Variants in TMEM132B observed in about 807,000 individuals in gnomAD.
TMEM132B encodes the protein transmembrane protein 132B.
A neutral mutation model predicts 90.8 loss-of-function variants in TMEM132B; 18 were observed. The ratio of observed to expected loss-of-function variants is 0.20; its 90% CI spans 0.14 to 0.29. The LOEUF is 0.29. TMEM132B is among the 10% of genes least tolerant of loss of function. TMEM132B has a pLI of 1.00. For synonymous variants in TMEM132B, 504 were observed against 523.3 expected, an observed-to-expected ratio of 0.96 and a Z score of 0.50; for missense variants, 1,096 against 1,326.8, an observed-to-expected ratio of 0.83 and a Z score of 2.70.
intron 3 of TMEM132B, among the ~76,000 whole-genome samples, chr12:125,450,710 T>C (rs762749168): frequency 6.6e-6 from 1 of 152,186 alleles, no homozygotes; most frequent in Non-Finnish European, 1.5e-5. Flanking sequence ...TCTCAAAATG[T>C]CTCCTAACAG....
At chr12:125,625,939 C>A (rs569433663) in intron 5 of TMEM132B, among the ~76,000 whole-genome samples, 47 of 152,158 alleles carry the variant, frequency 3.1e-4, no homozygotes, top group Non-Finnish European at 6.0e-4. Context: ...TATTTGCTAT[C>A]TGTAAATCCT....
In TMEM132B at chr12:125,415,704, T is replaced by A; in HGVS notation, c.1106+27T>A. 6.2e-7 allele frequency: 1 copy of A among 1,611,872 alleles called. No individual in the cohort carries two copies. Among genetic ancestry groups the A allele is most frequent in the South Asian group, 1.1e-5 (1 of 90,740 alleles). On this transcript the variant is annotated intron_variant, in intron 3 of 8. Transcript: ENST00000682704. This position sits in a 1 kb window ranked among gnomAD's most constrained non-coding sequence, Gnocchi z 5.3. ...TAAGCATGGAGATCCCCAAGGCACC[T>A]CCGCAGTGGGGAGGAGGGGAGTGGC... is the stretch of plus-strand genomic sequence containing the variant.
intron 3 of TMEM132B, among the ~76,000 whole-genome samples, chr12:125,418,069 T>C (rs1880067725): frequency 6.6e-6 from 1 of 152,160 alleles, no homozygotes; most frequent in African/African-American, 2.4e-5. Flanking sequence ...CAAATGGGAT[T>C]TTCTGGCCCC....
At position 125,263,353 on chromosome 12, in the gene TMEM132B, G is replaced by A. The variant is rs149519474; in HGVS notation, c.67+76487G>A. ...GACTGCATGTGGCATTGTGCAAGCT[G>A]TCTGACCTGGCTGTGCCTCAGTTTC... is the stretch of plus-strand genomic sequence containing the variant. On this transcript the variant is annotated intron_variant, in intron 1 of 8. Transcript: ENST00000682704. Among the ~76,000 whole-genome samples the A allele has an allele frequency of 2.6e-4, 40 of 152,350 alleles. 1 individual carries two copies. In the East Asian group the frequency reaches 6.2e-3, roughly 23 times the overall value.
At position 125,618,903 on chromosome 12, in the gene TMEM132B, T is replaced by C. The variant is rs1886053388; in HGVS notation, c.1438-25173T>C. 2.0e-5 allele frequency among the ~76,000 whole-genome samples: 3 copies of C among 152,326 alleles called. No individual in the cohort carries two copies. The South Asian group carries it at 6.2e-4, about 32-fold the overall frequency. On this transcript the variant is annotated intron_variant, in intron 5 of 8. Coordinates refer to ENST00000682704, the MANE Select transcript of TMEM132B (RefSeq NM_001366854.1). ...TTGAAGTACCCTAAACTGTCAAGTT[T>C]ATCAATATTAGTTATTATTTTTAAA...
chr12:125,567,224 A>G (rs1035802531), intron 4 of TMEM132B, among the ~76,000 whole-genome samples: 29 of 151,978 alleles, frequency 1.9e-4, no homozygotes, highest in South Asian at 4.2e-4. Context: ...CCATTTGTCC[A>G]TGGCCCTCTG....
chr12:125,608,853 T>A (rs887574940), intron 5 of TMEM132B, among the ~76,000 whole-genome samples: 1 of 126,522 alleles, frequency 7.9e-6, no homozygotes, highest in African/African-American at 3.1e-5. Flanking sequence ...CTGTGGCACC[T>A]TTGAAAAAAA....
chr12:125,462,580 C>T (rs2136475152), intron 3 of TMEM132B, among the ~76,000 whole-genome samples: 1 of 152,180 alleles, frequency 6.6e-6, no homozygotes, highest in South Asian at 2.1e-4. Context: ...TAGGTGACGT[C>T]AAATTGAGCC....
chr12:125,583,961 G>A lies in TMEM132B; in HGVS notation c.1404G>A (p.Val468=). 1 of 1,614,178 alleles carries A rather than the reference G, an allele frequency of 6.2e-7. No individual in the cohort carries two copies. Among genetic ancestry groups the A allele is most frequent in the Non-Finnish European group, 8.5e-7 (1 of 1,180,032 alleles). The change falls in exon 5 of 9, where the codon GTG becomes GTA. Residue 468 remains valine, a synonymous_variant. Coordinates refer to ENST00000682704, the MANE Select transcript of TMEM132B (RefSeq NM_001366854.1). ...DGSVVDVSES[V]ECKSADEDVI... Reference sequence around the variant, plus strand: ...CTGTGGTCGATGTGTCTGAGTCTGTGGAATGCAAGTCTGCCGATGAAGATG... The same window carrying A: ...CTGTGGTCGATGTGTCTGAGTCTGTAGAATGCAAGTCTGCCGATGAAGATG...
At position 125,189,456 on chromosome 12, in the gene TMEM132B, G is replaced by T. The variant is rs1165045809; in HGVS notation, c.67+2590G>T. Reference sequence around the variant, plus strand: ...TGGCAGGGGGGAGCTTTGGCTTTCAGGGCAGAGGCTCTCTTCCTCCTGCCT... The same window carrying T: ...TGGCAGGGGGGAGCTTTGGCTTTCATGGCAGAGGCTCTCTTCCTCCTGCCT... On this transcript the variant is annotated intron_variant, in intron 1 of 8. Transcript: ENST00000682704. Among the ~76,000 whole-genome samples the T allele has an allele frequency of 2.0e-5, 3 of 152,140 alleles. No individual in the cohort carries two copies. In the East Asian group the frequency reaches 5.8e-4, roughly 29 times the overall value.
rs1884333499 is a variant in TMEM132B at position 125,554,910 on chromosome 12, A to G, written c.1294-28941A>G. On this transcript the variant is annotated intron_variant, in intron 4 of 8. Coordinates refer to ENST00000682704, the MANE Select transcript of TMEM132B (RefSeq NM_001366854.1). ...TGTTGGCGAGTTTCATCTTTTGATT[A>G]TCAGTTTTTCAGTGTGTGTCAGGTG... Among the ~76,000 whole-genome samples the G allele has an allele frequency of 2.0e-5, 3 of 152,184 alleles. 1 individual carries two copies. In the South Asian group the frequency reaches 6.2e-4, roughly 32 times the overall value.
rs1321297517 is a variant in TMEM132B at position 125,431,386 on chromosome 12, G to A, written c.1106+15709G>A. 2.6e-5 allele frequency among the ~76,000 whole-genome samples: 4 copies of A among 152,256 alleles called. No individual in the cohort carries two copies. In the East Asian group the frequency reaches 7.7e-4, roughly 29 times the overall value. The stretch of plus-strand genomic sequence containing the variant: ...ATGGCAAACAGACAGAGAAGCAAAT[G>A]ATCTGGCTAACTCTACTTCGGTGGA... On this transcript the variant is annotated intron_variant, in intron 3 of 8. Coordinates refer to ENST00000682704, the MANE Select transcript of TMEM132B (RefSeq NM_001366854.1).
chr12:125,276,092 A>G (rs1199742258), intron 1 of TMEM132B, among the ~76,000 whole-genome samples: 1 of 152,230 alleles, frequency 6.6e-6, no homozygotes, highest in Non-Finnish European at 1.5e-5. Flanking sequence ...GACTCTGGCC[A>G]CTAGAGCATT....
intron 1 of TMEM132B, among the ~76,000 whole-genome samples, chr12:125,220,531 A>G (rs960856234): frequency 6.6e-5 from 10 of 152,224 alleles, no homozygotes; most frequent in Middle Eastern, 3.2e-3. Context: ...CCTTGGAGAA[A>G]GTGACGATAG....
chr12:125,358,261 A>T (rs188243827), intron 2 of TMEM132B, among the ~76,000 whole-genome samples: 1,683 of 151,952 alleles, frequency 0.011, 36 homozygotes, highest in African/African-American at 0.038. Flanking sequence ...TTTACTTTTT[A>T]AAAAATTTTT....
chr12:125,263,555 A>G (rs1028668507), intron 1 of TMEM132B, among the ~76,000 whole-genome samples: 2 of 152,260 alleles, frequency 1.3e-5, no homozygotes, highest in East Asian at 3.9e-4. Context: ...GTCTTCGTGC[A>G]TATTTGTTGT....
intron 6 of TMEM132B, among the ~76,000 whole-genome samples, chr12:125,645,042 C>T (rs536252426): frequency 4.8e-4 from 71 of 147,096 alleles, no homozygotes; most frequent in Non-Finnish European, 8.3e-4. Flanking sequence ...ATGGTGAAAG[C>T]CTGTCTCTAC....
At chr12:125,529,595 C>G (rs1883589939) in intron 4 of TMEM132B, among the ~76,000 whole-genome samples, 1 of 152,108 alleles carries the variant, frequency 6.6e-6, no homozygotes, top group African/African-American at 2.4e-5. Context: ...TAGCCTCTGT[C>G]TGTGGAGTCT....
intron 1 of TMEM132B, among the ~76,000 whole-genome samples, chr12:125,295,911 T>C (rs1875661074): frequency 1.3e-5 from 2 of 152,250 alleles, no homozygotes; most frequent in Admixed American, 1.3e-4. Context: ...TAGCTCTTGC[T>C]GATAGTAGCA....
Sources: allele counts gnomAD v4.1 joint callset (sites outside exome capture counted in the v4.1 genomes callset), GRCh38; gene constraint gnomAD v4.1.1; non-coding constraint Gnocchi (gnomAD v3.1); transcripts MANE v1.5; gene names NCBI Gene and HGNC (gene_info 2026-07-23, HGNC 2026-07-21).